The following ZFYVE9 variants were observed in gnomAD, a reference collection of about 807,000 sequenced individuals.
ZFYVE9 encodes the protein zinc finger FYVE-type containing 9.
In ZFYVE9, 43 loss-of-function variants were observed where a neutral mutation model predicts 126.7. That is an observed-to-expected ratio of 0.34 (90% CI 0.27 to 0.44). ZFYVE9 has a LOEUF of 0.44. Among genes scored for constraint, ZFYVE9 ranks in the 20% least tolerant of loss-of-function variants. The pLI is 1.00. For synonymous variants in ZFYVE9, 521 were observed against 597.4 expected (o/e 0.87, Z 1.87); for missense variants, 1,476 against 1,697.0 (o/e 0.87, Z 2.29).
chr1:52,177,983 G>A (rs1284508421), intron 1 of ZFYVE9, among the ~76,000 whole-genome samples: 1 of 146,388 alleles, frequency 6.8e-6, no homozygotes, highest in African/African-American at 2.5e-5. Flanking sequence ...AACCAATGAA[G>A]AATTTAAAAT....
chr1:52,312,292 AG>A (rs1317662105), intron 13 of ZFYVE9, among the ~76,000 whole-genome samples: 11 of 152,314 alleles, frequency 7.2e-5, no homozygotes, highest in African/African-American at 2.6e-4. Flanking sequence ...ATTTAATATA[AG>A]GAAAAGAAGA....
At chr1:52,306,341 G>C (rs1646084872) in intron 13 of ZFYVE9, among the ~76,000 whole-genome samples, 1 of 152,136 alleles carries the variant, frequency 6.6e-6, no homozygotes, top group Admixed American at 6.5e-5. Context: ...ACCAGCTGTA[G>C]AGAGGAGCTG....
intron 11 of ZFYVE9, 89 bp downstream of exon 11, chr1:52,293,766 C>T: frequency 2.4e-6 from 3 of 1,264,502 alleles, no homozygotes; most frequent in Non-Finnish European, 3.3e-6. Context: ...TATAATTCAG[C>T]AGAAATAGTC....
intron 7 of ZFYVE9, among the ~76,000 whole-genome samples, chr1:52,273,710 C>G (rs1297602881): frequency 6.6e-6 from 1 of 151,626 alleles, no homozygotes; most frequent in Non-Finnish European, 1.5e-5. Context: ...CACCTGTAAT[C>G]CCAGCTACTC....
chr1:52,310,828 T>C (rs576941057), intron 13 of ZFYVE9, among the ~76,000 whole-genome samples: 10 of 152,340 alleles, frequency 6.6e-5, no homozygotes, highest in African/African-American at 2.2e-4. Context: ...TAAAATTACC[T>C]CTGGGGCATT....
intron 1 of ZFYVE9, among the ~76,000 whole-genome samples, chr1:52,162,011 C>A (rs1572064761): frequency 6.8e-6 from 1 of 146,126 alleles, no homozygotes. Flanking sequence ...AAAATGACAA[C>A]AATTACATCT....
intron 12 of ZFYVE9, 140 bp from the exon 13 acceptor site, chr1:52,303,681 C>T (rs1569716004): frequency 2.1e-6 from 1 of 476,782 alleles, no homozygotes; most frequent in East Asian, 3.6e-5. Context: ...GTGGGGCTTT[C>T]ATTATACATT....
At chr1:52,160,099 C>T (rs1349555683) in intron 1 of ZFYVE9, among the ~76,000 whole-genome samples, 1 of 151,592 alleles carries the variant, frequency 6.6e-6, no homozygotes, top group Non-Finnish European at 1.5e-5. Context: ...ACTGAATTAT[C>T]CTTGTCCTTG....
At chr1:52,160,513 C>T (rs1194697592) in intron 1 of ZFYVE9, 3 of 781,156 alleles carry the variant, frequency 3.8e-6, no homozygotes, top group Non-Finnish European at 7.2e-6. Flanking sequence ...CTACTCTAGC[C>T]ACCACGCTGA....
chr1:52,184,942 T>C (rs992560884), intron 1 of ZFYVE9, among the ~76,000 whole-genome samples: 1 of 151,970 alleles, frequency 6.6e-6, no homozygotes, highest in African/African-American at 2.4e-5. Context: ...TTGTTTGAGC[T>C]CAGGAGTTCA....
chr1:52,267,759 CTCTG>C (rs1645648100), intron 6 of ZFYVE9, among the ~76,000 whole-genome samples: 1 of 152,080 alleles, frequency 6.6e-6, no homozygotes, highest in African/African-American at 2.4e-5. Context: ...CTTCCCTAGT[CTCTG>C]TGTGTTTTGG....
intron 1 of ZFYVE9, among the ~76,000 whole-genome samples, chr1:52,184,092 C>T (rs1424914773): frequency 6.6e-6 from 1 of 150,998 alleles, no homozygotes; most frequent in Non-Finnish European, 1.5e-5. Context: ...ATTCACACAA[C>T]GGTCAGGTGA....
At position 52,197,139 on chromosome 1, in the gene ZFYVE9, T is replaced by G. The variant is rs148819980; in HGVS notation, c.-142-19230T>G. On this transcript the variant is annotated intron_variant, in intron 1 of 18. Coordinates refer to ENST00000287727, the MANE Select transcript of ZFYVE9 (RefSeq NM_004799.4). ...AGATAGTATTTCAGTAATCCAGATG[T>G]GAGATAATAGTAGCTTGGATGAAGG... is the stretch of plus-strand genomic sequence containing the variant. 1.9e-3 allele frequency among the ~76,000 whole-genome samples: 286 copies of G among 152,126 alleles called. 1 individual carries two copies. The highest frequency in any genetic ancestry group is 6.6e-3 in the African/African-American group (276 of 41,506).
intron 18 of ZFYVE9, 99 bp downstream of exon 18, chr1:52,345,043 G>C (rs914754553): frequency 1.3e-5 from 18 of 1,347,848 alleles, no homozygotes; most frequent in Non-Finnish European, 1.9e-5. Context: ...TTAATTCTCC[G>C]ACCTTCTGGC....
chr1:52,167,147 C>G (rs1231166409), intron 1 of ZFYVE9, among the ~76,000 whole-genome samples: 2 of 152,072 alleles, frequency 1.3e-5, no homozygotes, highest in Non-Finnish European at 2.9e-5. Context: ...GTCAGGATTG[C>G]TATAGTTTAG....
intron 13 of ZFYVE9, among the ~76,000 whole-genome samples, chr1:52,320,837 AT>A (rs1646232555): frequency 6.6e-6 from 1 of 152,130 alleles, no homozygotes; most frequent in Non-Finnish European, 1.5e-5. Flanking sequence ...TACACTTTAA[AT>A]ATGTGTAATT....
chr1:52,237,408 A>G (rs1306845259), intron 3 of ZFYVE9, 80 bp from the exon 4 acceptor site: 1 of 1,223,140 alleles, frequency 8.2e-7, no homozygotes, highest in Non-Finnish European at 1.1e-6. Flanking sequence ...TTCAAACGAT[A>G]GTTAGAAATG....
intron 1 of ZFYVE9, among the ~76,000 whole-genome samples, chr1:52,152,806 A>G (rs898719121): frequency 2.0e-5 from 3 of 152,226 alleles, no homozygotes; most frequent in African/African-American, 7.2e-5. Flanking sequence ...GATACATGTA[A>G]AGAGCTAAGT....
chr1:52,288,935 A>G (rs1645890519), intron 10 of ZFYVE9, among the ~76,000 whole-genome samples: 1 of 150,528 alleles, frequency 6.6e-6, no homozygotes, highest in Non-Finnish European at 1.5e-5. Flanking sequence ...CAAAAAAAAA[A>G]AAAAAAAAAA....
Sources: gnomAD v4.1 joint callset for allele counts (sites outside exome capture counted in the v4.1 genomes callset) on GRCh38, gnomAD v4.1.1 for gene constraint, MANE v1.5 for transcripts, NCBI Gene and HGNC (gene_info 2026-07-23, HGNC 2026-07-21) for gene names.